The following KIAA0232 variants were observed in gnomAD, a reference collection of about 807,000 sequenced individuals.
The protein encoded by KIAA0232 is KIAA0232, also known as uncharacterized protein KIAA0232.
In KIAA0232, 27 loss-of-function variants were observed where a neutral mutation model predicts 122.0. That is an observed-to-expected ratio of 0.22 (90% confidence interval 0.16 to 0.31). The LOEUF is 0.31. Among genes scored for constraint, KIAA0232 ranks in the 10% least tolerant of loss-of-function variants. The probability of loss-of-function intolerance (pLI) is 1.00; values close to 1 mark genes in which losing one functional copy is unlikely to be tolerated. For synonymous variants in KIAA0232, 613 were observed against 587.6 expected, an observed-to-expected ratio of 1.04 and a Z score of -0.63; for missense variants, 1,551 against 1,634.2, an observed-to-expected ratio of 0.95 and a Z score of 0.88.
Position 6,864,101 on chromosome 4 carries a change from TTAA to T in KIAA0232, c.3724_3726del (p.Asn1242del). 6.2e-7 allele frequency: 1 copy of T among 1,614,038 alleles called. No individual in the cohort carries two copies. ...ATAATGGCACAATGCGAGGAAGAAA[TTAA>T]TAATTTTTGTGGTTGCAAAGCAGGT... On this transcript the variant is annotated inframe_deletion, in exon 7 of 10. Coordinates refer to ENST00000307659, the MANE Select transcript of KIAA0232 (RefSeq NM_014743.3).
intron 3 of KIAA0232, among the ~76,000 whole-genome samples, chr4:6,830,469 G>A (rs1173389773): frequency 2.0e-5 from 3 of 148,856 alleles, no homozygotes; most frequent in Admixed American, 6.7e-5. Flanking sequence ...GAGTGCAGGG[G>A]CGATCTCAGC....
chr4:6,788,259 C>T (rs886442056), intron 1 of KIAA0232, among the ~76,000 whole-genome samples: 1 of 152,164 alleles, frequency 6.6e-6, no homozygotes, highest in Non-Finnish European at 1.5e-5. Flanking sequence ...CTCAAGTAAT[C>T]TGCCCGCCTT....
At chr4:6,818,958 C>T (rs1211309319) in intron 2 of KIAA0232, among the ~76,000 whole-genome samples, 1 of 151,916 alleles carries the variant, frequency 6.6e-6, no homozygotes, top group African/African-American at 2.4e-5. Flanking sequence ...ACAAAGTTGA[C>T]AAAAATAAGC....
intron 1 of KIAA0232, among the ~76,000 whole-genome samples, chr4:6,799,586 G>C (rs185333525): frequency 6.6e-6 from 1 of 152,170 alleles, no homozygotes; most frequent in East Asian, 1.9e-4. Flanking sequence ...ATCGTGGATG[G>C]CATAGCCTAA....
chr4:6,788,032 T>C (rs1716708527), intron 1 of KIAA0232, among the ~76,000 whole-genome samples: 1 of 152,234 alleles, frequency 6.6e-6, no homozygotes, highest in Admixed American at 6.5e-5. Flanking sequence ...TTATTGGATC[T>C]CTTCTTTTTC....
At position 6,863,610 on chromosome 4, in the gene KIAA0232, C is replaced by T. The variant is rs1446450616; in HGVS notation, c.3228C>T (p.Leu1076=). The T allele has an allele frequency of 6.2e-7, 1 of 1,614,202 alleles. No homozygotes were observed. The highest frequency in any genetic ancestry group is 2.2e-5 in the East Asian group (1 of 44,882). The change falls in exon 7 of 10, where the codon CTC becomes CTT. Residue 1076 remains leucine, a synonymous_variant. Coordinates refer to ENST00000307659, the MANE Select transcript of KIAA0232 (RefSeq NM_014743.3). ...CCAGTTTTAAACCGAAATCAATCCT[C>T]TGTTCTGATTCAGACAGTGAAGTGT... ...FSPSFKPKSI[L]CSDSDSEVFH...
chr4:6,840,940 A>C (rs911460750), intron 3 of KIAA0232, among the ~76,000 whole-genome samples: 1 of 152,170 alleles, frequency 6.6e-6, no homozygotes, highest in Non-Finnish European at 1.5e-5. Flanking sequence ...AATGCTGTTA[A>C]ATTTTGGTTA....
chr4:6,879,123 C>T (rs1173997932), intron 9 of KIAA0232, among the ~76,000 whole-genome samples: 1 of 152,156 alleles, frequency 6.6e-6, no homozygotes, highest in African/African-American at 2.4e-5. Flanking sequence ...ACTGTCCCTG[C>T]TCCTGAACAG....
At chr4:6,797,915 G>A (rs1230380242) in intron 1 of KIAA0232, among the ~76,000 whole-genome samples, 5 of 151,938 alleles carry the variant, frequency 3.3e-5, no homozygotes, top group African/African-American at 1.2e-4. Flanking sequence ...AAAAATAGCC[G>A]GGCACAGTGG....
intron 9 of KIAA0232, 129 bp from the exon 10 acceptor site, chr4:6,880,658 C>G: frequency 1.6e-6 from 1 of 612,038 alleles, no homozygotes. Context: ...CAGTAAAACT[C>G]TGCATGTTTG....
intron 3 of KIAA0232, among the ~76,000 whole-genome samples, chr4:6,841,559 T>C (rs574927476): frequency 6.6e-6 from 1 of 152,306 alleles, no homozygotes; most frequent in Non-Finnish European, 1.5e-5. Context: ...TAAACTTTTT[T>C]TATAAATCAG....
rs761609798 is a variant in KIAA0232 at position 6,861,157 on chromosome 4, T to G, written c.775T>G (p.Phe259Val). 9 of 1,614,092 alleles carry G rather than the reference T, an allele frequency of 5.6e-6. No individual in the cohort carries two copies. In the East Asian group the frequency reaches 2.0e-4, roughly 36 times the overall value. Reference sequence around the variant, plus strand: ...AAGCAAAAACGAGAAGGAAAACAAATTTAGTAATGGCACAATTGAAGAAAA... The same window carrying G: ...AAGCAAAAACGAGAAGGAAAACAAAGTTAGTAATGGCACAATTGAAGAAAA... The part of the protein sequence containing the change: ...SKSKNEKENK[F>V]SNGTIEEKPA... The change falls in exon 7 of 10, where the codon TTT (phenylalanine) becomes GTT (valine). Residue 259 changes from phenylalanine to valine, a missense_variant. Phe to Val is a conservative substitution (Grantham distance 50). Around this residue, in one of 5 missense-constraint regions of KIAA0232, gnomAD observed 377 missense variants for 381.7 expected, o/e 0.99. Coordinates refer to ENST00000307659, the MANE Select transcript of KIAA0232 (RefSeq NM_014743.3).
chr4:6,804,355 C>G (rs568147294), intron 1 of KIAA0232, among the ~76,000 whole-genome samples, 168 bp from the exon 2 acceptor site: 1 of 152,186 alleles, frequency 6.6e-6, no homozygotes. Context: ...TGACCAGTTG[C>G]GTTCATTACC....
chr4:6,785,647 C>G (rs1007087344), intron 1 of KIAA0232, among the ~76,000 whole-genome samples: 2 of 152,230 alleles, frequency 1.3e-5, no homozygotes, highest in African/African-American at 4.8e-5. Flanking sequence ...CCTATCCATT[C>G]TTTGCCTGGC....
Position 6,862,808 on chromosome 4 carries a change from A to G in KIAA0232, c.2426A>G (p.Gln809Arg). Residue 809 changes from glutamine (Q) to arginine (R), a missense_variant, in exon 7 of 10, where the codon CAA (glutamine) becomes CGA (arginine). Around this residue, in one of 5 missense-constraint regions of KIAA0232, gnomAD observed 1,108 missense variants for 1,154.8 expected, o/e 0.96. Transcript: ENST00000307659. Reference sequence around the variant, plus strand: ...GAAAACAAAAATTTTGAAACTACACAAGTATGTAATGAAAGTCCACATGGA... The same window carrying G: ...GAAAACAAAAATTTTGAAACTACACGAGTATGTAATGAAAGTCCACATGGA... ...KTENKNFETTQVCNESPHGDG... is the reference protein window; with the variant it reads ...KTENKNFETTRVCNESPHGDG... The G allele has an allele frequency of 1.2e-6, 2 of 1,614,172 alleles. No homozygotes were observed. Among genetic ancestry groups the G allele is most frequent in the East Asian group, 4.5e-5 (2 of 44,882 alleles).
At chr4:6,811,130 A>C (rs1386740238) in intron 2 of KIAA0232, among the ~76,000 whole-genome samples, 2 of 152,210 alleles carry the variant, frequency 1.3e-5, no homozygotes, top group African/African-American at 2.4e-5. Context: ...TCAAAGGAAA[A>C]GAACGTGTCA....
intron 4 of KIAA0232, among the ~76,000 whole-genome samples, chr4:6,854,047 G>C (rs1050059795): frequency 6.6e-6 from 1 of 152,084 alleles, no homozygotes; most frequent in African/African-American, 2.4e-5. Flanking sequence ...GAGGGGTTTT[G>C]GTGGTATGCA....
intron 7 of KIAA0232, among the ~76,000 whole-genome samples, chr4:6,868,306 G>A (rs1379760915): frequency 6.6e-6 from 1 of 152,086 alleles, no homozygotes; most frequent in Non-Finnish European, 1.5e-5. Context: ...GTACCTGCTC[G>A]GCCAGGTACT....
rs771540730 is a variant in KIAA0232 at position 6,863,708 on chromosome 4, G to A, written c.3326G>A (p.Arg1109His). 2 of 1,614,124 alleles carry A rather than the reference G, an allele frequency of 1.2e-6. No homozygotes were observed. The highest frequency in any genetic ancestry group is 1.1e-5 in the South Asian group (1 of 91,080). ...CGGATCTCTCCTCGGACTCACTTTC[G>A]CCCAATTTCTGCATCCGAACTGTCC... ...AIRISPRTHF[R>H]PISASELSPG... The change falls in exon 7 of 10, where the codon CGC becomes CAC. Residue 1109 changes from arginine to histidine, a missense_variant. By Grantham distance (29) the Arg-to-His change is conservative (BLOSUM62 0). Transcript: ENST00000307659.
Sources: allele counts gnomAD v4.1 joint callset (sites outside exome capture counted in the v4.1 genomes callset), GRCh38; gene constraint gnomAD v4.1.1; regional missense constraint gnomAD v4.1.1; transcripts MANE v1.5; gene names NCBI Gene and HGNC (gene_info 2026-07-23, HGNC 2026-07-21).